Variants in TXNRD3 observed in about 807,000 individuals in gnomAD.
TXNRD3 encodes thioredoxin reductase 3, also known as TXNRD3 neighbor gene protein.
TXNRD3 carries 68 observed loss-of-function variants against 78.2 expected under a neutral mutation model. That is an observed-to-expected ratio of 0.87 (90% CI 0.72 to 1.06). TXNRD3 has a LOEUF of 1.06. TXNRD3 is among the 50% of genes least tolerant of loss of function. The pLI is 0.00. For synonymous variants in TXNRD3, 296 were observed against 300.1 expected, an observed-to-expected ratio of 0.99 and a Z score of 0.14; for missense variants, 751 against 809.5, an observed-to-expected ratio of 0.93 and a Z score of 0.88.
At chr3:126,635,563 T>C (rs1047613915) in intron 6 of TXNRD3, among the ~76,000 whole-genome samples, 1 of 152,210 alleles carries the variant, frequency 6.6e-6, no homozygotes, top group African/African-American at 2.4e-5. Context: ...TTCACATATG[T>C]ATTTTTCAAA....
chr3:126,615,914 G>A (rs768371260), intron 12 of TXNRD3, among the ~76,000 whole-genome samples: 1 of 152,206 alleles, frequency 6.6e-6, no homozygotes, highest in Non-Finnish European at 1.5e-5. Context: ...CCACTGAGAG[G>A]TGAGGCAAAT....
chr3:126,641,543 T>C (rs1933089063), intron 6 of TXNRD3, among the ~76,000 whole-genome samples: 1 of 152,132 alleles, frequency 6.6e-6, no homozygotes, highest in African/African-American at 2.4e-5. Context: ...ACTGAATGGA[T>C]CTCCTTGTCT....
intron 2 of TXNRD3, among the ~76,000 whole-genome samples, 181 bp from the exon 3 acceptor site, chr3:126,646,401 C>A (rs1190537092): frequency 6.6e-6 from 1 of 152,124 alleles, no homozygotes; most frequent in Admixed American, 6.5e-5. Flanking sequence ...CAAAGAAAAT[C>A]TTAAAAAATA....
intron 2 of TXNRD3, 125 bp downstream of exon 2, chr3:126,647,111 G>A (rs1391558487): frequency 1.5e-6 from 1 of 654,580 alleles, no homozygotes; most frequent in Non-Finnish European, 2.4e-6. Flanking sequence ...ATGGCTGAAT[G>A]TAGACAAAAA....
chr3:126,655,016 C>T lies in TXNRD3; in HGVS notation c.-26G>A. The T allele has an allele frequency of 3.1e-6, 4 of 1,296,604 alleles. No individual in the cohort carries two copies. Among genetic ancestry groups the T allele is most frequent in the Non-Finnish European group, 2.9e-6 (3 of 1,024,816 alleles). The allele number at this position is 1,296,604 out of a possible 1,614,324, so 80.3% of individuals were successfully genotyped here. A position where few individuals can be genotyped will look rare whatever the true frequency, so the allele number is the denominator to read the frequency against. On this transcript the variant is annotated 5_prime_UTR_variant, in exon 1 of 16. Coordinates refer to ENST00000524230, the MANE Select transcript of TXNRD3 (RefSeq NM_052883.3). ...AGTCTCGCTCTCGCTCCTGGCCCGG[C>T]CGGGCCTGCTCACAAACCGAAACGC...
intron 10 of TXNRD3, among the ~76,000 whole-genome samples, chr3:126,623,851 C>CAAAAAAAAAAAAAAAAAAAAAAAA (rs758992893): frequency 1.1e-5 from 1 of 89,760 alleles, no homozygotes; most frequent in Non-Finnish European, 2.3e-5. Context: ...TGAAACAAGG[C>CAAAAAAAAAAAAAAAAAAAAAAAA]CAAAAAAAAA....
At chr3:126,625,306 T>A (rs1576286414) in intron 10 of TXNRD3, 1 of 77,050 alleles carries the variant, frequency 1.3e-5, no homozygotes, top group Admixed American at 2.0e-4. Flanking sequence ...CCCTCCCCCC[T>A]CCCCCCACCC....
chr3:126,634,286 G>C (rs986411543), intron 6 of TXNRD3, among the ~76,000 whole-genome samples: 1 of 152,168 alleles, frequency 6.6e-6, no homozygotes, highest in Non-Finnish European at 1.5e-5. Context: ...AGTCCATGGA[G>C]GAGAAAATGG....
At chr3:126,625,617 G>A (rs1446647557) in intron 10 of TXNRD3, among the ~76,000 whole-genome samples, 1 of 151,890 alleles carries the variant, frequency 6.6e-6, no homozygotes, top group East Asian at 1.9e-4. Context: ...ATAAACATAC[G>A]TGTGCATGTG....
intron 1 of TXNRD3, among the ~76,000 whole-genome samples, chr3:126,652,926 T>C (rs919415267): frequency 1.3e-5 from 2 of 152,246 alleles, no homozygotes; most frequent in African/African-American, 4.8e-5. Flanking sequence ...AAAGGGACTC[T>C]GATTTTGTTT....
intron 12 of TXNRD3, among the ~76,000 whole-genome samples, chr3:126,617,006 C>A (rs1938333582): frequency 1.3e-5 from 2 of 152,162 alleles, no homozygotes; most frequent in African/African-American, 2.4e-5. Flanking sequence ...GTTGCCGATC[C>A]ATTTATTGAC....
chr3:126,608,595 G>C lies in TXNRD3; in HGVS notation c.1767C>G (p.Ala589=), dbSNP rs187433035. 6.5e-7 allele frequency: 1 copy of C among 1,535,754 alleles called. No individual in the cohort carries two copies. The highest frequency in any genetic ancestry group is 1.4e-5 in the African/African-American group (1 of 73,116). The change falls in exon 15 of 16, where the codon GCC becomes GCG. Residue 589 remains alanine (A), a synonymous_variant. Transcript: ENST00000524230. ...CTGCAAATCCTTGGGTAACCTCACC[G>C]GCGTTTGGTCCAAGAATATGAAATC...
chr3:126,638,759 A>AT (rs1932983087), intron 6 of TXNRD3, among the ~76,000 whole-genome samples: 1 of 152,180 alleles, frequency 6.6e-6, no homozygotes, highest in Non-Finnish European at 1.5e-5. Flanking sequence ...AAAAGAAAGT[A>AT]TTTTGTATAG....
chr3:126,648,704 T>G (rs1933298668), intron 1 of TXNRD3, among the ~76,000 whole-genome samples: 1 of 151,968 alleles, frequency 6.6e-6, no homozygotes, highest in Admixed American at 6.5e-5. Flanking sequence ...TCGAAATGGG[T>G]CAAAGACCCA....
At chr3:126,608,447 T>G in intron 15 of TXNRD3, 52 bp downstream of exon 15, 1 of 1,470,938 alleles carries the variant, frequency 6.8e-7, no homozygotes, top group African/African-American at 1.4e-5. Context: ...TTTATAATAG[T>G]TTTTCAAACT....
At chr3:126,640,773 GCCC>G (rs1185079822) in intron 6 of TXNRD3, among the ~76,000 whole-genome samples, 1 of 151,344 alleles carries the variant, frequency 6.6e-6, no homozygotes, top group African/African-American at 2.4e-5. Flanking sequence ...GTCATTTCTT[GCCC>G]CCACTTCCCT....
intron 10 of TXNRD3, among the ~76,000 whole-genome samples, chr3:126,626,395 A>G (rs953278288): frequency 2.0e-5 from 3 of 152,228 alleles, no homozygotes; most frequent in Non-Finnish European, 4.4e-5. Flanking sequence ...TTCAAAATAC[A>G]TATATCTGAA....
chr3:126,652,381 C>G (rs905352964), intron 1 of TXNRD3, among the ~76,000 whole-genome samples: 2 of 152,210 alleles, frequency 1.3e-5, no homozygotes, highest in Admixed American at 6.5e-5. Flanking sequence ...TCACCTCCAG[C>G]ATTAGGGATT....
At position 126,630,720 on chromosome 3, in the gene TXNRD3, G is replaced by GT; in HGVS notation, c.1188dup (p.Pro397ThrfsTer20). 1 of 1,534,164 alleles carries GT rather than the reference G, an allele frequency of 6.5e-7. No individual in the cohort carries two copies. The highest frequency in any genetic ancestry group is 8.7e-7 in the Non-Finnish European group (1 of 1,146,804). ...ATGCCATGCAGCCTTACCATCACAG[G>GT]TATGAATTTCCGTAGGAACTTCACA... On this transcript the variant is annotated frameshift_variant, in exon 9 of 16. Transcript: ENST00000524230. LOFTEE classifies it high-confidence loss of function.
Sources: allele counts gnomAD v4.1 joint callset (sites outside exome capture counted in the v4.1 genomes callset), GRCh38; gene constraint gnomAD v4.1.1; transcripts MANE v1.5; gene names NCBI Gene and HGNC (gene_info 2026-07-23, HGNC 2026-07-21).